The following ESRRG variants were observed in gnomAD, a reference collection of about 807,000 sequenced individuals.
ESRRG encodes the protein estrogen related receptor gamma.
A neutral mutation model predicts 44.0 loss-of-function variants in ESRRG; 13 were observed. That is an observed-to-expected ratio of 0.30 (90% CI 0.19 to 0.47). ESRRG has a LOEUF of 0.47. Among genes scored for constraint, ESRRG ranks in the 20% least tolerant of loss-of-function variants. The pLI, the probability that ESRRG is intolerant of heterozygous loss-of-function variation, is 1.00. For missense variants in ESRRG, 395 were observed against 580.6 expected, an observed-to-expected ratio of 0.68 and a Z score of 3.29; for synonymous variants, 215 against 214.6, an observed-to-expected ratio of 1.00 and a Z score of -0.02.
chr1:216,781,460 A>G (rs1335063986), intron 2 of ESRRG, among the ~76,000 whole-genome samples: 3 of 152,028 alleles, frequency 2.0e-5, no homozygotes, highest in Non-Finnish European at 4.4e-5. Context: ...ACATCCAACA[A>G]TGGATTTACC....
At chr1:216,515,275 G>A (rs1306590887) in intron 6 of ESRRG, among the ~76,000 whole-genome samples, 1 of 151,850 alleles carries the variant, frequency 6.6e-6, no homozygotes, top group Non-Finnish European at 1.5e-5. Flanking sequence ...ATGTATATAT[G>A]TGTGTGTATG....
chr1:217,003,377 G>A (rs563462041), intron 1 of ESRRG, among the ~76,000 whole-genome samples: 3 of 151,910 alleles, frequency 2.0e-5, no homozygotes, highest in African/African-American at 7.3e-5. Flanking sequence ...AGAAAATTAA[G>A]TGAGATAATA....
chr1:216,925,714 GC>G (rs1227871654), intron 2 of ESRRG, among the ~76,000 whole-genome samples: 4 of 151,720 alleles, frequency 2.6e-5, no homozygotes, highest in Non-Finnish European at 4.4e-5. Flanking sequence ...ACTTTGGGAG[GC>G]CGAGGAGGAA....
intron 5 of ESRRG, among the ~76,000 whole-genome samples, chr1:216,546,401 T>C (rs1449955002): frequency 1.3e-5 from 2 of 152,110 alleles, no homozygotes; most frequent in South Asian, 4.1e-4. Flanking sequence ...GGGCCTCCTC[T>C]ATTTCCTAAA....
chr1:216,820,941 C>T (rs1158188921), intron 2 of ESRRG, among the ~76,000 whole-genome samples: 9 of 152,200 alleles, frequency 5.9e-5, no homozygotes, highest in Admixed American at 1.3e-4. Flanking sequence ...ACTTTGCTTT[C>T]CCTGCCTTTG....
At position 216,771,534 on chromosome 1, in the gene ESRRG, G is replaced by A. The variant is rs555774220; in HGVS notation, c.-13-94043C>T. Among the ~76,000 whole-genome samples the A allele has an allele frequency of 3.3e-5, 5 of 152,182 alleles. No individual in the cohort carries two copies. In the East Asian group the frequency reaches 5.8e-4, roughly 18 times the overall value. ...TAAACTCAGAATTTGTCAAAATTTTGTAACTGGGAGATGCTGACAACTATG... is the reference window on the plus strand; with the variant it reads ...TAAACTCAGAATTTGTCAAAATTTTATAACTGGGAGATGCTGACAACTATG... On this transcript the variant is annotated intron_variant, in intron 2 of 7. Coordinates refer to the ESRRG transcript ENST00000359162.
intron 6 of ESRRG, among the ~76,000 whole-genome samples, chr1:216,511,508 A>G (rs1313764857): frequency 2.3e-5 from 3 of 129,304 alleles, no homozygotes; most frequent in African/African-American, 8.1e-5. Flanking sequence ...CATTTACAGA[A>G]AAACTAGGTG....
intron 1 of ESRRG, among the ~76,000 whole-genome samples, chr1:217,127,423 C>G (rs2092907259): frequency 1.3e-5 from 2 of 152,188 alleles, no homozygotes; most frequent in Admixed American, 1.3e-4. Flanking sequence ...TCACCTCCAG[C>G]TGATGGTTGC....
At chr1:216,962,418 G>A (rs868375085) in intron 1 of ESRRG, among the ~76,000 whole-genome samples, 3 of 152,128 alleles carry the variant, frequency 2.0e-5, no homozygotes, top group Non-Finnish European at 2.9e-5. Context: ...CCTTGTCTGT[G>A]AATGTTTAAA....
At chr1:216,882,744 T>C (rs2096464369) in intron 2 of ESRRG, among the ~76,000 whole-genome samples, 1 of 152,250 alleles carries the variant, frequency 6.6e-6, no homozygotes, top group East Asian at 1.9e-4. Flanking sequence ...AGAAAAATAA[T>C]AGAGTTTTTA....
At chr1:217,083,165 G>A (rs913420812) in intron 1 of ESRRG, among the ~76,000 whole-genome samples, 1 of 152,128 alleles carries the variant, frequency 6.6e-6, no homozygotes, top group Non-Finnish European at 1.5e-5. Context: ...GTATGGTCTA[G>A]CGTAGGAAAC....
chr1:216,587,038 T>C (rs906653436), intron 3 of ESRRG, among the ~76,000 whole-genome samples: 16 of 152,184 alleles, frequency 1.1e-4, no homozygotes, highest in Admixed American at 3.3e-4. Flanking sequence ...CAATACAAAT[T>C]AGACATTATA....
chr1:216,564,277 C>T lies in ESRRG; in HGVS notation c.804G>A (p.Leu268=). ...CCAACTCTCGGTCGGCCAAGTCACA[C>T]AGTGTAGTGAGGGCTTTGATGTCAC... ...PDSDIKALTT[L]CDLADRELVV... is the part of the protein sequence containing the mutation. Residue 268 remains leucine, a synonymous_variant, in exon 5 of 7, where the codon CTG becomes CTA. Transcript: ENST00000408911. The T allele has an allele frequency of 6.2e-7, 1 of 1,604,684 alleles. No individual in the cohort carries two copies. Among genetic ancestry groups the T allele is most frequent in the East Asian group, 2.3e-5 (1 of 44,346 alleles).
intron 1 of ESRRG, among the ~76,000 whole-genome samples, chr1:217,051,204 C>CG (rs1164233806): frequency 0.11 from 3,780 of 33,368 alleles, 362 homozygotes; most frequent in South Asian, 0.19. Flanking sequence ...ATAATGGGGG[C>CG]GGGGGGGGGG....
intron 6 of ESRRG, among the ~76,000 whole-genome samples, chr1:216,518,565 G>A (rs188352561): frequency 4.6e-5 from 7 of 152,254 alleles, no homozygotes; most frequent in Non-Finnish European, 1.0e-4. Flanking sequence ...AAACAACAAA[G>A]CACCAACGAT....
At chr1:216,561,904 G>A (rs1271037382) in intron 5 of ESRRG, among the ~76,000 whole-genome samples, 1 of 152,156 alleles carries the variant, frequency 6.6e-6, no homozygotes, top group East Asian at 1.9e-4. Flanking sequence ...CTCAGCTTAA[G>A]ACTGAACCCA....
At chr1:216,783,994 T>C (rs1191780445) in intron 2 of ESRRG, among the ~76,000 whole-genome samples, 1 of 152,096 alleles carries the variant, frequency 6.6e-6, no homozygotes, top group Non-Finnish European at 1.5e-5. Context: ...ATGTACTTGC[T>C]TTGCACCATG....
At chr1:216,841,799 T>C (rs1037862457) in intron 2 of ESRRG, among the ~76,000 whole-genome samples, 6 of 152,132 alleles carry the variant, frequency 3.9e-5, no homozygotes, top group African/African-American at 1.4e-4. Flanking sequence ...TCATCTGGGT[T>C]CAGCAAATAG....
At chr1:216,761,169 A>T (rs1481345242) in intron 2 of ESRRG, among the ~76,000 whole-genome samples, 2 of 151,984 alleles carry the variant, frequency 1.3e-5, no homozygotes, top group African/African-American at 2.4e-5. Flanking sequence ...AAATAAAAAA[A>T]AAAAATTTTC....
Sources: allele counts gnomAD v4.1 joint callset (sites outside exome capture counted in the v4.1 genomes callset), GRCh38; gene constraint gnomAD v4.1.1; transcripts MANE v1.5; gene names NCBI Gene and HGNC (gene_info 2026-07-23, HGNC 2026-07-21).